The following FNDC3B variants were observed in gnomAD, a reference collection of about 807,000 sequenced individuals.
The protein encoded by FNDC3B is fibronectin type III domain-containing protein 3B.
A neutral mutation model predicts 151.5 loss-of-function variants in FNDC3B; 12 were observed. The ratio of observed to expected loss-of-function variants is 0.08; its 90% CI spans 0.05 to 0.13. FNDC3B has a LOEUF of 0.13. Ranked by LOEUF, FNDC3B falls within the 10% of genes least tolerant of loss-of-function variation. The pLI is 1.00. For synonymous variants in FNDC3B, 528 were observed against 549.0 expected (o/e 0.96, Z 0.54); for missense variants, 1,214 against 1,505.3 (o/e 0.81, Z 3.20).
intron 6 of FNDC3B, among the ~76,000 whole-genome samples, chr3:172,283,638 G>T (rs1576871371): frequency 6.6e-6 from 1 of 152,106 alleles, no homozygotes; most frequent in South Asian, 2.1e-4. Flanking sequence ...GAAACCATAG[G>T]GTCCTTCAAA....
intron 1 of FNDC3B, among the ~76,000 whole-genome samples, chr3:172,041,375 C>CTTTCT (rs1716042591): frequency 6.6e-6 from 1 of 151,198 alleles, no homozygotes; most frequent in Admixed American, 6.6e-5. Flanking sequence ...TTCTTTCTTT[C>CTTTCT]TTTCTTTCTT....
chr3:172,353,481 G>C (rs1260464637), intron 22 of FNDC3B, among the ~76,000 whole-genome samples: 1 of 152,186 alleles, frequency 6.6e-6, no homozygotes, highest in Non-Finnish European at 1.5e-5. Flanking sequence ...TTTCTAAAAG[G>C]ATGGCATTGG....
chr3:172,096,360 G>A (rs540415977), intron 1 of FNDC3B, among the ~76,000 whole-genome samples: 1 of 152,060 alleles, frequency 6.6e-6, no homozygotes, highest in African/African-American at 2.4e-5. Flanking sequence ...TCTTCATAAT[G>A]GATTTAAATA....
intron 1 of FNDC3B, among the ~76,000 whole-genome samples, chr3:172,083,401 C>T (rs922998356): frequency 6.6e-6 from 1 of 152,198 alleles, no homozygotes; most frequent in Admixed American, 6.5e-5. Flanking sequence ...GAATCTGCTG[C>T]TTTTATAGCA....
At chr3:172,330,358 G>A (rs904972725) in intron 12 of FNDC3B, 183 bp from the exon 13 acceptor site, 13 of 517,154 alleles carry the variant, frequency 2.5e-5, no homozygotes, top group Non-Finnish European at 4.1e-5. Flanking sequence ...GAAGATCATG[G>A]GGTGGGGGGA....
chr3:172,313,637 C>T (rs971485915), intron 11 of FNDC3B, among the ~76,000 whole-genome samples: 7 of 152,194 alleles, frequency 4.6e-5, no homozygotes, highest in Admixed American at 6.5e-5. Context: ...AGCAAACGTA[C>T]GCCTATCCTC....
chr3:172,317,384 C>A (rs1246991891), intron 11 of FNDC3B: 1 of 277,416 alleles, frequency 3.6e-6, no homozygotes, highest in Non-Finnish European at 7.2e-6. Context: ...CGGGGTTTCA[C>A]CATGTTAGCC....
chr3:172,069,850 T>G (rs1717681283), intron 1 of FNDC3B, among the ~76,000 whole-genome samples: 1 of 152,222 alleles, frequency 6.6e-6, no homozygotes, highest in Admixed American at 6.5e-5. Flanking sequence ...GCCTTATATT[T>G]AAATACCACC....
intron 7 of FNDC3B, among the ~76,000 whole-genome samples, chr3:172,289,576 A>G (rs923330099): frequency 1.3e-5 from 2 of 151,988 alleles, no homozygotes; most frequent in African/African-American, 4.8e-5. Flanking sequence ...TCTTCGTACC[A>G]CTTTTCTCTC....
At chr3:172,260,708 A>G (rs1728602177) in intron 6 of FNDC3B, among the ~76,000 whole-genome samples, 1 of 152,198 alleles carries the variant, frequency 6.6e-6, no homozygotes, top group Non-Finnish European at 1.5e-5. Context: ...GGGAGAGTTC[A>G]GAGGGGCATC....
intron 4 of FNDC3B, among the ~76,000 whole-genome samples, chr3:172,229,307 G>A (rs1726766819): frequency 6.6e-6 from 1 of 152,116 alleles, no homozygotes; most frequent in Non-Finnish European, 1.5e-5. Flanking sequence ...TCTGTAGCAT[G>A]GTGTATAATA....
At chr3:172,283,276 A>G (rs1050390695) in intron 6 of FNDC3B, among the ~76,000 whole-genome samples, 1 of 151,052 alleles carries the variant, frequency 6.6e-6, no homozygotes. Flanking sequence ...CTCTTTCTCT[A>G]TTTTTTCTTT....
intron 8 of FNDC3B, among the ~76,000 whole-genome samples, chr3:172,298,111 G>A (rs1242615093): frequency 6.6e-6 from 1 of 152,084 alleles, no homozygotes; most frequent in Non-Finnish European, 1.5e-5. Flanking sequence ...TATTTTTGAA[G>A]AACACAAAGT....
rs904233498 is a variant in FNDC3B, at chr3:172,395,209, C to T, written c.3304-1955C>T. ...TTTCTTTTTTAATTATCAGCCAAAT[C>T]GCTTATTGATTTGGTTTCATTTCTG... On this transcript the variant is annotated intron_variant, in intron 25 of 25. Transcript: ENST00000415807. 5.3e-5 allele frequency among the ~76,000 whole-genome samples: 8 copies of T among 152,198 alleles called. No homozygotes were observed. In the South Asian group the frequency reaches 8.3e-4, roughly 16 times the overall value.
At chr3:172,242,764 T>G (rs771410093) in intron 4 of FNDC3B, among the ~76,000 whole-genome samples, 1 of 152,236 alleles carries the variant, frequency 6.6e-6, no homozygotes, top group Non-Finnish European at 1.5e-5. Context: ...TCTTGCGGAT[T>G]AACATTCAGC....
chr3:172,089,742 T>C lies in FNDC3B; in HGVS notation c.-28-22710T>C, dbSNP rs1718715026. Among the ~76,000 whole-genome samples the C allele has an allele frequency of 2.6e-5, 4 of 152,268 alleles. No homozygotes were observed. The Middle Eastern group carries it at 0.01, about 388-fold the overall frequency. ...GCATGGAGGTTTGAAAATCTCAGTG[T>C]CGATTCATTATCTAAAAATCTCTTG... On this transcript the variant is annotated intron_variant, in intron 1 of 25. Coordinates refer to ENST00000415807, the MANE Select transcript of FNDC3B (RefSeq NM_022763.4).
intron 5 of FNDC3B, 75 bp downstream of exon 5, chr3:172,247,851 G>C (rs1727861275): frequency 6.6e-7 from 1 of 1,513,266 alleles, no homozygotes; most frequent in East Asian, 2.3e-5. Context: ...GCGGTCCTTT[G>C]TTTCTTGTGA....
At chr3:172,213,351 A>G (rs1228027095) in intron 3 of FNDC3B, among the ~76,000 whole-genome samples, 1 of 152,246 alleles carries the variant, frequency 6.6e-6, no homozygotes. Flanking sequence ...GCACATGGGA[A>G]CATGGGGATT....
At chr3:172,055,921 T>C (rs954940041) in intron 1 of FNDC3B, among the ~76,000 whole-genome samples, 1 of 151,686 alleles carries the variant, frequency 6.6e-6, no homozygotes, top group Non-Finnish European at 1.5e-5. Context: ...GCTGGGACTA[T>C]AGGCGCCCGC....
Sources: gnomAD v4.1 joint callset for allele counts (sites outside exome capture counted in the v4.1 genomes callset) on GRCh38, gnomAD v4.1.1 for gene constraint, MANE v1.5 for transcripts, NCBI Gene and HGNC (gene_info 2026-07-23, HGNC 2026-07-21) for gene names.